The following TTC7B variants were observed in gnomAD, a reference collection of about 807,000 sequenced individuals.
TTC7B encodes tetratricopeptide repeat domain 7B.
TTC7B carries 28 observed loss-of-function variants against 106.8 expected under a neutral mutation model. The ratio of observed to expected loss-of-function variants is 0.26; its 90% CI spans 0.19 to 0.36. The LOEUF is 0.36. Among genes scored for constraint, TTC7B ranks in the 10% least tolerant of loss-of-function variants. The pLI is 1.00. For synonymous variants in TTC7B, 405 were observed against 430.6 expected (o/e 0.94, Z 0.74); for missense variants, 862 against 1,076.4 (o/e 0.80, Z 2.79).
intron 17 of TTC7B, among the ~76,000 whole-genome samples, chr14:90,602,970 C>A (rs1264364725): frequency 1.3e-5 from 2 of 152,182 alleles, no homozygotes; most frequent in Non-Finnish European, 2.9e-5. Context: ...CTTCTCACCA[C>A]CCACTGCACA....
chr14:90,696,180 G>A (rs142034102), intron 5 of TTC7B, among the ~76,000 whole-genome samples: 63 of 152,264 alleles, frequency 4.1e-4, no homozygotes, highest in African/African-American at 1.3e-3. Flanking sequence ...ACTGGAACCC[G>A]AGCTCCCTGA....
At chr14:90,656,128 C>CA (rs1885938047) in intron 11 of TTC7B, among the ~76,000 whole-genome samples, 1 of 152,152 alleles carries the variant, frequency 6.6e-6, no homozygotes, top group Non-Finnish European at 1.5e-5. Flanking sequence ...CCTGTGCTTT[C>CA]AAAACATCTT....
chr14:90,603,068 G>A (rs114728764), intron 17 of TTC7B, among the ~76,000 whole-genome samples: 50 of 152,222 alleles, frequency 3.3e-4, no homozygotes, highest in African/African-American at 1.1e-3. Flanking sequence ...CCCAAGCTGC[G>A]CTGAATGCAT....
chr14:90,787,655 G>A (rs1387383509), intron 1 of TTC7B, among the ~76,000 whole-genome samples: 1 of 152,150 alleles, frequency 6.6e-6, no homozygotes, highest in Non-Finnish European at 1.5e-5. Flanking sequence ...TCCACCAAAG[G>A]CCAAGAGCTA....
chr14:90,769,443 C>T (rs2140024790), intron 3 of TTC7B, among the ~76,000 whole-genome samples: 1 of 152,264 alleles, frequency 6.6e-6, no homozygotes, highest in South Asian at 2.1e-4. Flanking sequence ...GATCCACAGA[C>T]ATAAATACGT....
intron 5 of TTC7B, among the ~76,000 whole-genome samples, chr14:90,710,767 G>A (rs1888414085): frequency 6.6e-6 from 1 of 152,096 alleles, no homozygotes; most frequent in Non-Finnish European, 1.5e-5. Flanking sequence ...TTTTAACTAA[G>A]GTATGTACTC....
chr14:90,659,612 C>A (rs1886103239), intron 9 of TTC7B, among the ~76,000 whole-genome samples: 1 of 151,960 alleles, frequency 6.6e-6, no homozygotes, highest in South Asian at 2.1e-4. Flanking sequence ...CAGAGAGGGA[C>A]CCGAGAAGGG....
Position 90,759,141 on chromosome 14 carries a change from A to G in TTC7B, c.446-14219T>C, listed in dbSNP as rs1169484658. 2.0e-5 allele frequency among the ~76,000 whole-genome samples: 3 copies of G among 151,600 alleles called. No homozygotes were observed. The East Asian group carries it at 5.9e-4, about 30-fold the overall frequency. ...AGCTTCCTTCCTGCTCTTCTGTCCCACTCCGACCCACTCCGGAGAGCCACG... is the reference window on the plus strand; with the variant it reads ...AGCTTCCTTCCTGCTCTTCTGTCCCGCTCCGACCCACTCCGGAGAGCCACG... On this transcript the variant is annotated intron_variant, in intron 3 of 19. Coordinates refer to ENST00000328459, the MANE Select transcript of TTC7B (RefSeq NM_001010854.2). The surrounding 1 kb of genome is among the most constrained non-coding windows in gnomAD (Gnocchi z 4.1).
chr14:90,677,965 T>C (rs1389890232), intron 8 of TTC7B: 2 of 359,702 alleles, frequency 5.6e-6, no homozygotes, highest in Admixed American at 8.3e-5. Context: ...GGAGTCCCTC[T>C]TGAGCCCAAA....
At chr14:90,669,791 A>C (rs1211011218) in intron 9 of TTC7B, among the ~76,000 whole-genome samples, 1 of 152,246 alleles carries the variant, frequency 6.6e-6, no homozygotes, top group Non-Finnish European at 1.5e-5. Context: ...AGTGCTGGTG[A>C]AGAAGTGGAG....
intron 3 of TTC7B, among the ~76,000 whole-genome samples, chr14:90,760,449 T>A (rs752184882): frequency 3.3e-5 from 5 of 152,198 alleles, no homozygotes; most frequent in African/African-American, 9.7e-5. Context: ...TTTTTCGAGA[T>A]AATTAGCTCC....
chr14:90,574,236 C>A (rs544957371), intron 19 of TTC7B, among the ~76,000 whole-genome samples: 1 of 152,272 alleles, frequency 6.6e-6, no homozygotes, highest in East Asian at 1.9e-4. Context: ...ACATAGCACA[C>A]GAATAAATGT....
At chr14:90,794,371 C>T (rs1003725906) in intron 1 of TTC7B, among the ~76,000 whole-genome samples, 1 of 151,716 alleles carries the variant, frequency 6.6e-6, no homozygotes, top group African/African-American at 2.4e-5. Context: ...GGACTACAGG[C>T]GCCTGCCACC....
chr14:90,598,287 C>A lies in TTC7B; in HGVS notation c.1967-4661G>T, dbSNP rs947870050. On this transcript the variant is annotated intron_variant, in intron 17 of 19. Transcript: ENST00000328459. ...GCCCGAATGGTGCAAGGGCGTGTGACGTCCTGGAGCGGAGGCCATCTGCAT... is the reference window on the plus strand; with the variant it reads ...GCCCGAATGGTGCAAGGGCGTGTGAAGTCCTGGAGCGGAGGCCATCTGCAT... Among the ~76,000 whole-genome samples the A allele has an allele frequency of 3.9e-5, 6 of 152,332 alleles. No individual in the cohort carries two copies. In the South Asian group the frequency reaches 1.0e-3, roughly 26 times the overall value.
At position 90,660,417 on chromosome 14, in the gene TTC7B, A is replaced by AAAAAAAG. The variant is rs1555386791; in HGVS notation, c.1153-2031_1153-2030insCTTTTTT. On this transcript the variant is annotated intron_variant, in intron 9 of 19. Coordinates refer to ENST00000328459, the MANE Select transcript of TTC7B (RefSeq NM_001010854.2). The stretch of plus-strand genomic sequence containing the variant: ...TCTCAAAAAAAAAAAAAAAAAAAAA[A>AAAAAAAG]AAAAGAAAAGAAAAGAAAAGAAAAA... Among the ~76,000 whole-genome samples, 178 of 119,396 alleles carry AAAAAAAG rather than the reference A, an allele frequency of 1.5e-3. 3 individuals are homozygous for AAAAAAAG. Among genetic ancestry groups the AAAAAAAG allele is most frequent in the African/African-American group, 6.3e-3 (170 of 27,114 alleles). The allele number at this position is 119,396 out of a possible 152,430, so 78.3% of individuals were successfully genotyped here.
chr14:90,585,029 G>A (rs938271789), intron 18 of TTC7B, among the ~76,000 whole-genome samples: 8 of 152,126 alleles, frequency 5.3e-5, no homozygotes, highest in African/African-American at 1.9e-4. Flanking sequence ...GTCTGAGAAG[G>A]GTTAGCAAGT....
At chr14:90,614,910 G>A (rs1202700964) in intron 16 of TTC7B, among the ~76,000 whole-genome samples, 1 of 152,196 alleles carries the variant, frequency 6.6e-6, no homozygotes, top group Non-Finnish European at 1.5e-5. Context: ...TGTCTTGAGT[G>A]GCTGGGTCAA....
chr14:90,531,430 A>AAAACAAAAAAAC lies in TTC7B; in HGVS notation c.*9926_*9937dup, dbSNP rs1034017263. 1 of 149,974 alleles carries AAAACAAAAAAAC rather than the reference A, an allele frequency of 6.7e-6. No homozygotes were observed. Among genetic ancestry groups the AAAACAAAAAAAC allele is most frequent in the Non-Finnish European group, 1.5e-5 (1 of 67,984 alleles). 9.3% of individuals were successfully genotyped at this position (149,974 alleles called of 1,614,324 possible). A position where few individuals can be genotyped will look rare whatever the true frequency, so the allele number is the denominator to read the frequency against. On this transcript the variant is annotated 3_prime_UTR_variant, in exon 20 of 20. Coordinates refer to ENST00000328459, the MANE Select transcript of TTC7B (RefSeq NM_001010854.2). ...ACTAAGCACAAAAAATCAAAAATAC[A>AAAACAAAAAAAC]AAACAAAAAAACAAACAAAAAAAAA...
intron 3 of TTC7B, chr14:90,766,439 T>C (rs144922550): frequency 1.2e-5 from 7 of 593,866 alleles, no homozygotes; most frequent in Non-Finnish European, 2.1e-5. Context: ...ATGAACAAAA[T>C]TGAAATGTCA....
Sources: allele counts gnomAD v4.1 joint callset (sites outside exome capture counted in the v4.1 genomes callset), GRCh38; gene constraint gnomAD v4.1.1; non-coding constraint Gnocchi (gnomAD v3.1); transcripts MANE v1.5; gene names NCBI Gene and HGNC (gene_info 2026-07-23, HGNC 2026-07-21).